APOOL: variants seen among roughly 807,000 people sequenced by gnomAD.
APOOL encodes the protein MICOS complex subunit MIC27.
A neutral mutation model predicts 23.1 loss-of-function variants in APOOL; 12 were observed. The observed-to-expected ratio is 0.52, with a 90% CI of 0.33 to 0.84. The LOEUF (loss-of-function observed/expected upper bound fraction) is 0.84, where lower values mean the gene tolerates loss of function less well. Among genes scored for constraint, APOOL ranks in the 40% least tolerant of loss-of-function variants. The probability of loss-of-function intolerance (pLI) is 0.02; values close to 1 mark genes in which losing one functional copy is unlikely to be tolerated. For missense variants in APOOL, 212 were observed against 199.6 expected, an observed-to-expected ratio of 1.06 and a Z score of -0.37; for synonymous variants, 77 against 69.9, an observed-to-expected ratio of 1.10 and a Z score of -0.51.
chrX:85,018,860 C>T (rs1444869454), intron 1 of APOOL, among the ~76,000 whole-genome samples: 1 of 111,586 alleles, frequency 9.0e-6, no homozygotes, highest in Non-Finnish European at 1.9e-5. Flanking sequence ...AATTCTTTTT[C>T]AGATAACATA....
At chrX:85,046,837 A>G (rs767356505) in intron 2 of APOOL, among the ~76,000 whole-genome samples, 16 of 111,636 alleles carry the variant, frequency 1.4e-4, no homozygotes, top group East Asian at 1.4e-3. Context: ...CTTTCTTGAA[A>G]AACTTACACA....
rs1429687030 is a variant in APOOL, at chrX:85,092,715, TA to T, written c.*5042del. On this transcript the variant is annotated 3_prime_UTR_variant, in exon 9 of 9. Coordinates refer to ENST00000373173, the MANE Select transcript of APOOL (RefSeq NM_198450.6). ...TACCTTTTGAACTTTTCTATAGCTG[TA>T]AAAAGAAAAAAGTCTCACTGTTCTG... 19 of 504,990 alleles carry T rather than the reference TA, an allele frequency of 3.8e-5. No homozygotes were observed. The highest frequency in any genetic ancestry group is 6.2e-4 in the Middle Eastern group (1 of 1,613). The allele number at this position is 504,990 out of a possible 1,213,427, so 41.6% of individuals were successfully genotyped here. A position where few individuals can be genotyped will look rare whatever the true frequency, so the allele number is the denominator to read the frequency against.
At chrX:85,057,878 A>G (rs1012846892) in intron 5 of APOOL, among the ~76,000 whole-genome samples, 5 of 110,613 alleles carry the variant, frequency 4.5e-5, no homozygotes, top group Non-Finnish European at 9.4e-5. Context: ...TGTCCAAAAC[A>G]TATTACTCAA....
chrX:85,044,855 A>G (rs927029000), intron 1 of APOOL, among the ~76,000 whole-genome samples: 1 of 111,919 alleles, frequency 8.9e-6, no homozygotes. Flanking sequence ...ATGAAGTAAC[A>G]TGAGTATACT....
intron 6 of APOOL, among the ~76,000 whole-genome samples, chrX:85,070,573 AT>A (rs1288379628): frequency 8.9e-6 from 1 of 111,977 alleles, no homozygotes; most frequent in Non-Finnish European, 1.9e-5. Flanking sequence ...ACAATATTTA[AT>A]TGATGAATAA....
chrX:85,072,417 G>A (rs962545431), intron 6 of APOOL, among the ~76,000 whole-genome samples: 2 of 110,846 alleles, frequency 1.8e-5, no homozygotes, highest in African/African-American at 6.6e-5. Flanking sequence ...TTTCTGGAGA[G>A]CAACATGGTA....
chrX:85,017,532 A>G (rs778313345), intron 1 of APOOL, among the ~76,000 whole-genome samples: 2 of 111,366 alleles, frequency 1.8e-5, no homozygotes, highest in East Asian at 2.8e-4. Context: ...CACACCCCCT[A>G]TATTCTGCTC....
intron 8 of APOOL, among the ~76,000 whole-genome samples, chrX:85,083,529 G>T (rs1924185964): frequency 9.0e-6 from 1 of 111,051 alleles, no homozygotes; most frequent in South Asian, 3.8e-4. Flanking sequence ...TGAATTCAAA[G>T]ACAAGTCAAT....
chrX:85,051,262 A>C (rs1922759607), intron 2 of APOOL, 127 bp from the exon 3 acceptor site: 2 of 761,910 alleles, frequency 2.6e-6, no homozygotes, highest in Admixed American at 7.1e-5. Context: ...GGTTTTTTAA[A>C]AGTATTTTAT....
At chrX:85,010,519 G>T (rs1921241659) in intron 1 of APOOL, among the ~76,000 whole-genome samples, 1 of 111,084 alleles carries the variant, frequency 9.0e-6, no homozygotes. Context: ...GTATTCCCAA[G>T]TCCCCAAAGT....
chrX:85,050,596 A>C (rs2147646634), intron 2 of APOOL, among the ~76,000 whole-genome samples: 1 of 107,249 alleles, frequency 9.3e-6, no homozygotes, highest in African/African-American at 3.5e-5. Flanking sequence ...TTATACCCTA[A>C]ATATAAAAGC....
chrX:85,038,833 CTT>C (rs1323905688), intron 1 of APOOL, among the ~76,000 whole-genome samples: 14 of 109,094 alleles, frequency 1.3e-4, no homozygotes, highest in Non-Finnish European at 7.6e-5. Flanking sequence ...GTCTCTCAGT[CTT>C]ATTTATTTCT....
chrX:85,027,348 A>G (rs1034420977), intron 1 of APOOL, among the ~76,000 whole-genome samples: 1 of 110,773 alleles, frequency 9.0e-6, no homozygotes, highest in African/African-American at 3.3e-5. Flanking sequence ...CCCACTTCCT[A>G]TATTGGGGAT....
At chrX:85,037,776 C>A (rs777330551) in intron 1 of APOOL, among the ~76,000 whole-genome samples, 1 of 111,000 alleles carries the variant, frequency 9.0e-6, no homozygotes, top group East Asian at 2.8e-4. Context: ...GTAAGCCGCA[C>A]ATAGAAGAAT....
At chrX:85,018,472 C>T (rs1375491220) in intron 1 of APOOL, among the ~76,000 whole-genome samples, 1 of 111,695 alleles carries the variant, frequency 9.0e-6, no homozygotes, top group Non-Finnish European at 1.9e-5. Context: ...CCCACCGGGC[C>T]CCACCTTCAA....
At chrX:85,016,049 G>T (rs1156805217) in intron 1 of APOOL, among the ~76,000 whole-genome samples, 1 of 110,144 alleles carries the variant, frequency 9.1e-6, no homozygotes, top group Non-Finnish European at 1.9e-5. Flanking sequence ...TGGAATGGCA[G>T]GGATCTTTTG....
chrX:85,079,678 T>G (rs58434113), intron 8 of APOOL, among the ~76,000 whole-genome samples: 1 of 111,730 alleles, frequency 9.0e-6, no homozygotes, highest in African/African-American at 3.3e-5. Flanking sequence ...CCAGCTCCTC[T>G]TTGTATCTCT....
rs141680158 is a variant in APOOL at position 85,016,962 on chromosome X, A to G, written c.15+13035A>G. 2.7e-5 allele frequency among the ~76,000 whole-genome samples: 3 copies of G among 112,414 alleles called. No individual in the cohort carries two copies. In the East Asian group the frequency reaches 8.5e-4, roughly 32 times the overall value. On this transcript the variant is annotated intron_variant, in intron 1 of 8. Coordinates refer to ENST00000373173, the MANE Select transcript of APOOL (RefSeq NM_198450.6). Reference sequence around the variant, plus strand: ...CCAGTCAGGAGGTAACACATTCAAGATAACACCAGCTGTGGTAGCAGTAGT... The same window carrying G: ...CCAGTCAGGAGGTAACACATTCAAGGTAACACCAGCTGTGGTAGCAGTAGT...
chrX:85,082,071 C>T (rs1270176732), intron 8 of APOOL, among the ~76,000 whole-genome samples: 3 of 111,945 alleles, frequency 2.7e-5, no homozygotes, highest in Non-Finnish European at 5.6e-5. Context: ...TTATTACCGA[C>T]CTTCTGAAGC....
Sources: allele counts gnomAD v4.1 joint callset (sites outside exome capture counted in the v4.1 genomes callset), GRCh38; gene constraint gnomAD v4.1.1; transcripts MANE v1.5; gene names NCBI Gene and HGNC (gene_info 2026-07-23, HGNC 2026-07-21).